The following BCR variants were observed in gnomAD, a reference collection of about 807,000 sequenced individuals.
BCR encodes BCR activator of RhoGEF and GTPase.
BCR carries 58 observed loss-of-function variants against 138.6 expected under a neutral mutation model. The ratio of observed to expected loss-of-function variants is 0.42; its 90% confidence interval spans 0.34 to 0.52. BCR has a LOEUF of 0.52. Ranked by LOEUF, BCR falls within the 20% of genes least tolerant of loss-of-function variation. The pLI is 0.06. For missense variants in BCR, 1,599 were observed against 1,727.2 expected (o/e 0.93, Z 1.32); for synonymous variants, 786 against 730.1 (o/e 1.08, Z -1.23).
chr22:23,208,981 A>G (rs2072649098), intron 1 of BCR, among the ~76,000 whole-genome samples: 1 of 152,222 alleles, frequency 6.6e-6, no homozygotes, highest in Admixed American at 6.5e-5. Flanking sequence ...GAGTGGATTC[A>G]TATAGCCTTC....
intron 1 of BCR, among the ~76,000 whole-genome samples, chr22:23,197,781 T>C (rs577862847): frequency 1.9e-4 from 29 of 150,820 alleles, no homozygotes; most frequent in Admixed American, 1.8e-3. Flanking sequence ...GATGGTCCAG[T>C]GGGAGTCAGG....
intron 1 of BCR, among the ~76,000 whole-genome samples, chr22:23,241,086 G>A (rs551145398): frequency 6.6e-6 from 1 of 152,346 alleles, no homozygotes; most frequent in African/African-American, 2.4e-5. Context: ...TGCATTGATG[G>A]ATGCTAGGGT....
intron 1 of BCR, among the ~76,000 whole-genome samples, chr22:23,241,957 C>A (rs1462548439): frequency 6.6e-6 from 1 of 152,206 alleles, no homozygotes; most frequent in South Asian, 2.1e-4. Flanking sequence ...CACTGCCAGC[C>A]TGTATCCCCT....
intron 1 of BCR, among the ~76,000 whole-genome samples, chr22:23,250,659 G>A (rs1210900136): frequency 6.6e-6 from 1 of 152,166 alleles, no homozygotes; most frequent in Non-Finnish European, 1.5e-5. Context: ...CCAAGGGGAT[G>A]GCACGGCCTT....
Position 23,181,569 on chromosome 22 carries a change from G to A in BCR, c.609G>A (p.Leu203=), listed in dbSNP as rs943963741. The change falls in exon 1 of 23, where the codon CTG becomes CTA. Residue 203 remains leucine, a synonymous_variant. Transcript: ENST00000305877. ...AGGTGTCGGACCGCATCAGCTCCCTGGGCAGCCAGGCCATGCAGATGGAGC... is the reference window on the plus strand; with the variant it reads ...AGGTGTCGGACCGCATCAGCTCCCTAGGCAGCCAGGCCATGCAGATGGAGC... The part of the protein sequence containing the change: ...DKEVSDRISS[L]GSQAMQMERK... 3 of 1,612,946 alleles carry A rather than the reference G, an allele frequency of 1.9e-6. No homozygotes were observed. Among genetic ancestry groups the A allele is most frequent in the Non-Finnish European group, 2.5e-6 (3 of 1,179,990 alleles).
In BCR at chr22:23,315,587, C is replaced by A; in HGVS notation, c.*65C>A. ...GAAACCTCTGGCTAATCGGGCCATCCGTAGAGCGGGAACCTTCCTGAGGTG... is the reference window on the plus strand; with the variant it reads ...GAAACCTCTGGCTAATCGGGCCATCAGTAGAGCGGGAACCTTCCTGAGGTG... On this transcript the variant is annotated 3_prime_UTR_variant, in exon 23 of 23. Coordinates refer to ENST00000305877, the MANE Select transcript of BCR (RefSeq NM_004327.4). The A allele has an allele frequency of 6.7e-7, 1 of 1,492,990 alleles. No homozygotes were observed. The highest frequency in any genetic ancestry group is 9.3e-7 in the Non-Finnish European group (1 of 1,075,672). The allele number at this position is 1,492,990 out of a possible 1,614,324, so 92.5% of individuals were successfully genotyped here. A position where few individuals can be genotyped will look rare whatever the true frequency, so the allele number is the denominator to read the frequency against.
At chr22:23,247,990 CT>C (rs1374301676) in intron 1 of BCR, among the ~76,000 whole-genome samples, 2 of 152,216 alleles carry the variant, frequency 1.3e-5, no homozygotes, top group East Asian at 1.9e-4. Flanking sequence ...CTTTCCACCT[CT>C]TCCTTCCCAT....
At chr22:23,243,452 G>C (rs1467069924) in intron 1 of BCR, among the ~76,000 whole-genome samples, 1 of 152,152 alleles carries the variant, frequency 6.6e-6, no homozygotes, top group African/African-American at 2.4e-5. Context: ...ACACAGTGAG[G>C]TTCAGAGAGC....
At position 23,309,088 on chromosome 22, in the gene BCR, A is replaced by G. The variant is rs372401057; in HGVS notation, c.3013-336A>G. ...TACTGAAGTTGCTGCTGGACAGCTC[A>G]CCTTTCACTGAGCTCCACATAGCAC... On this transcript the variant is annotated intron_variant, in intron 16 of 22. Coordinates refer to ENST00000305877, the MANE Select transcript of BCR (RefSeq NM_004327.4). Among the ~76,000 whole-genome samples the G allele has an allele frequency of 3.9e-3, 594 of 151,424 alleles. 4 individuals carry two copies. The highest frequency in any genetic ancestry group is 0.01 in the African/African-American group (432 of 41,334).
intron 1 of BCR, among the ~76,000 whole-genome samples, chr22:23,203,152 A>G (rs1206690137): frequency 6.6e-6 from 1 of 152,062 alleles, no homozygotes; most frequent in Non-Finnish European, 1.5e-5. Context: ...GTGAGCCACC[A>G]TACTTGGCCA....
intron 15 of BCR, 86 bp downstream of exon 15, chr22:23,292,724 T>C: frequency 8.6e-7 from 1 of 1,166,940 alleles, no homozygotes; most frequent in Non-Finnish European, 1.2e-6. Flanking sequence ...CTTCAGGGGC[T>C]CCCTGAGGGC....
rs755536352 is a variant in BCR at position 23,181,269 on chromosome 22, C to G, written c.309C>G (p.Asp103Glu). ...CGCGCCCGCAGCCAGCGCCCGCCGA[C>G]GGAGCCGACCCGCCGCCCGCCGAGG... ...SASRPQPAPA[D>E]GADPPPAEEP... is the part of the protein sequence containing the mutation. The change falls in exon 1 of 23, where the codon GAC (aspartate) becomes GAG (glutamate). Residue 103 changes from aspartate (D) to glutamate (E), a missense_variant. Physicochemically the swap from Asp to Glu is conservative, Grantham distance 45. Coordinates refer to ENST00000305877, the MANE Select transcript of BCR (RefSeq NM_004327.4). The G allele has an allele frequency of 1.6e-6, 2 of 1,260,394 alleles. 1 individual carries two copies. Among genetic ancestry groups the G allele is most frequent in the South Asian group, 6.4e-5 (2 of 31,454 alleles). The allele number at this position is 1,260,394 out of a possible 1,614,324, so 78.1% of individuals were successfully genotyped here.
At chr22:23,276,751 T>C (rs752193687) in intron 8 of BCR, among the ~76,000 whole-genome samples, 15 of 152,242 alleles carry the variant, frequency 9.9e-5, no homozygotes, top group Non-Finnish European at 1.9e-4. Context: ...TCCACCTCGG[T>C]ATCCCCTGGC....
At position 23,250,255 on chromosome 22, in the gene BCR, T is replaced by A. The variant is rs2267020; in HGVS notation, c.1280-3544T>A. 2.4e-3 allele frequency among the ~76,000 whole-genome samples: 358 copies of A among 152,196 alleles called. 2 individuals are homozygous for A. Among genetic ancestry groups the A allele is most frequent in the Non-Finnish European group, 3.4e-3 (233 of 68,004 alleles). On this transcript the variant is annotated intron_variant, in intron 1 of 22. Coordinates refer to ENST00000305877, the MANE Select transcript of BCR (RefSeq NM_004327.4). ...CACGGGAGTCAGTGTAGTCATGGGC[T>A]CGGAAAGCACTCAGATAAAAGGTGC...
At chr22:23,182,359 GCACTTGTGGTT>G in intron 1 of BCR, 120 bp downstream of exon 1, 2 of 1,207,562 alleles carry the variant, frequency 1.7e-6, no homozygotes, top group Non-Finnish European at 2.2e-6. Context: ...TGTATCAGGT[GCACTTGTGGTT>G]CACGCGGATC....
intron 4 of BCR, 93 bp downstream of exon 4, chr22:23,261,633 T>C (rs908764041): frequency 2.1e-6 from 3 of 1,398,356 alleles, no homozygotes; most frequent in African/African-American, 2.9e-5. Context: ...GGTTTTGCTA[T>C]GTTGGCCAGG....
rs2072274601 is a variant in BCR, at chr22:23,182,046, G to A, written c.1086G>A (p.Met362Ile). ...CCCCAAGCCCCACCACCTACCGCAT[G>A]TTCCGGGACAAAAGCCGCTCTCCCT... is the stretch of plus-strand genomic sequence containing the variant. ...RVSPSPTTYR[M>I]FRDKSRSPSQ... Residue 362 changes from methionine to isoleucine, a missense_variant, in exon 1 of 23, where the codon ATG becomes ATA. Met to Ile is a conservative substitution (Grantham distance 10, BLOSUM62 1). Coordinates refer to ENST00000305877, the MANE Select transcript of BCR (RefSeq NM_004327.4). 3 of 1,613,670 alleles carry A rather than the reference G, an allele frequency of 1.9e-6. No homozygotes were observed. The highest frequency in any genetic ancestry group is 2.2e-5 in the East Asian group (1 of 44,880).
chr22:23,183,078 G>A (rs2072292227), intron 1 of BCR, among the ~76,000 whole-genome samples: 1 of 152,198 alleles, frequency 6.6e-6, no homozygotes, highest in South Asian at 2.1e-4. Context: ...CTTATTTGGG[G>A]CTCCCAATCT....
rs2072269630 is a variant in BCR, at chr22:23,181,841, G to T, written c.881G>T (p.Gly294Val). The change falls in exon 1 of 23, where the codon GGC (glycine) becomes GTC (valine). Residue 294 changes from glycine (G) to valine (V), a missense_variant. Coordinates refer to ENST00000305877, the MANE Select transcript of BCR (RefSeq NM_004327.4). ...GGCATGATGGAAGGGGAGGGCAAGG[G>T]CCCGCTCCTGCGCAGCCAGAGCACC... ...VGGMMEGEGK[G>V]PLLRSQSTSE... 6.2e-7 allele frequency: 1 copy of T among 1,611,470 alleles called. No homozygotes were observed. The highest frequency in any genetic ancestry group is 1.7e-5 in the Admixed American group (1 of 59,988).
Sources: gnomAD v4.1 joint callset for allele counts (sites outside exome capture counted in the v4.1 genomes callset) on GRCh38, gnomAD v4.1.1 for gene constraint, MANE v1.5 for transcripts, NCBI Gene and HGNC (gene_info 2026-07-23, HGNC 2026-07-21) for gene names.